Variants in TADA2A observed in about 807,000 individuals in gnomAD.
TADA2A encodes the protein transcriptional adaptor 2A, also known as transcriptional adapter 2-alpha.
TADA2A carries 38 observed loss-of-function variants against 67.4 expected under a neutral mutation model. The observed-to-expected ratio is 0.56, with a 90% CI of 0.44 to 0.74. The LOEUF is 0.74. TADA2A is among the 30% of genes least tolerant of loss of function. The probability of loss-of-function intolerance (pLI) is 0.00; values close to 1 mark genes in which losing one functional copy is unlikely to be tolerated. For missense variants in TADA2A, 454 were observed against 547.0 expected (o/e 0.83, Z 1.70); for synonymous variants, 192 against 181.6 (o/e 1.06, Z -0.46).
chr17:37,411,376 T>TTA lies in TADA2A; in HGVS notation c.11_12insTA (p.Leu4PhefsTer61). On this transcript the variant is annotated frameshift_variant, in exon 2 of 16. Coordinates refer to ENST00000615182, the MANE Select transcript of TADA2A (RefSeq NM_001166105.3). LOFTEE classifies it high-confidence loss of function. ...GTTGCCAATTAGGGAATGGACCGTT[T>TTA]GGGTTCCTTTAGCAGTAAGTACAGT... 1 of 1,613,914 alleles carries TTA rather than the reference T, an allele frequency of 6.2e-7. No individual in the cohort carries two copies. Among genetic ancestry groups the TTA allele is most frequent in the Non-Finnish European group, 8.5e-7 (1 of 1,179,826 alleles).
At position 37,467,488 on chromosome 17, in the gene TADA2A, C is replaced by G; in HGVS notation, c.858C>G (p.Leu286=). 2 of 1,613,956 alleles carry G rather than the reference C, an allele frequency of 1.2e-6. No individual in the cohort carries two copies. Among genetic ancestry groups the G allele is most frequent in the South Asian group, 2.2e-5 (2 of 91,070 alleles). Residue 286 remains leucine, a synonymous_variant, in exon 12 of 16, where the codon CTC becomes CTG. Transcript: ENST00000615182. Reference sequence around the variant, plus strand: ...AACTCCGAAGGGAAATCAAGAGGCTCCAAGAATACAGGACAGCAGGCATTA... The same window carrying G: ...AACTCCGAAGGGAAATCAAGAGGCTGCAAGAATACAGGACAGCAGGCATTA... ...EFELRREIKR[L]QEYRTAGITN...
chr17:37,431,601 GTCTTGC>G lies in TADA2A; in HGVS notation c.192+4593_192+4598del, dbSNP rs200778538. On this transcript the variant is annotated intron_variant, in intron 4 of 15. Transcript: ENST00000615182. The stretch of plus-strand genomic sequence containing the variant: ...TTCTTTTTTTTTTTTTTGAGACAGA[GTCTTGC>G]CCTGTCGCCCAGGCTGGAGTCCAGT... Among the ~76,000 whole-genome samples, 247 of 145,520 alleles carry G rather than the reference GTCTTGC, an allele frequency of 1.7e-3. 11 individuals carry two copies. In the East Asian group the frequency reaches 0.05, roughly 29 times the overall value.
intron 8 of TADA2A, among the ~76,000 whole-genome samples, chr17:37,449,107 G>A (rs952348581): frequency 6.6e-6 from 1 of 151,682 alleles, no homozygotes; most frequent in Non-Finnish European, 1.5e-5. Flanking sequence ...TGCAAGCTCC[G>A]CCTCCTGGGT....
At chr17:37,454,019 C>T (rs1352082467) in intron 8 of TADA2A, among the ~76,000 whole-genome samples, 1 of 151,786 alleles carries the variant, frequency 6.6e-6, no homozygotes, top group Non-Finnish European at 1.5e-5. Flanking sequence ...GGTGATCCAC[C>T]CACCTCGGCC....
intron 7 of TADA2A, among the ~76,000 whole-genome samples, 161 bp from the exon 8 acceptor site, chr17:37,444,535 C>G (rs750834486): frequency 1.3e-5 from 2 of 152,156 alleles, no homozygotes; most frequent in Non-Finnish European, 2.9e-5. Context: ...CCCATGACTT[C>G]CTATTACCTG....
Position 37,438,065 on chromosome 17 carries a change from A to G in TADA2A, c.284+236A>G, listed in dbSNP as rs80168521. ...GAGCAGCTTTAAAAGGCCACTTTGG[A>G]TGTATCAACAGTGGGAAGATTGATT... On this transcript the variant is annotated intron_variant, in intron 5 of 15. Coordinates refer to ENST00000615182, the MANE Select transcript of TADA2A (RefSeq NM_001166105.3). The G allele has an allele frequency of 2.8e-3, 1,275 of 450,374 alleles. 5 individuals are homozygous for G. Among genetic ancestry groups the G allele is most frequent in the African/African-American group, 0.018 (927 of 50,444 alleles). 27.9% of individuals were successfully genotyped at this position (450,374 alleles called of 1,614,324 possible). A position where few individuals can be genotyped will look rare whatever the true frequency, so the allele number is the denominator to read the frequency against.
chr17:37,428,401 T>A (rs1387827289), intron 4 of TADA2A, among the ~76,000 whole-genome samples: 1 of 152,200 alleles, frequency 6.6e-6, no homozygotes, highest in Non-Finnish European at 1.5e-5. Flanking sequence ...ACTGTTTTGA[T>A]CAGGGCATGT....
chr17:37,425,175 C>T (rs749825824), intron 3 of TADA2A, among the ~76,000 whole-genome samples: 28 of 152,122 alleles, frequency 1.8e-4, no homozygotes, highest in African/African-American at 6.5e-4. Context: ...CTACCACGCC[C>T]GGCCATAACA....
chr17:37,411,473 G>A lies in TADA2A; in HGVS notation c.25+83G>A, dbSNP rs145424024. The A allele has an allele frequency of 1.7e-3, 2,327 of 1,334,654 alleles. 36 individuals carry two copies. The African/African-American group carries it at 0.031, about 18-fold the overall frequency. 82.7% of individuals were successfully genotyped at this position (1,334,654 alleles called of 1,614,324 possible). A position where few individuals can be genotyped will look rare whatever the true frequency, so the allele number is the denominator to read the frequency against. On this transcript the variant is annotated intron_variant, in intron 2 of 15. Coordinates refer to ENST00000615182, the MANE Select transcript of TADA2A (RefSeq NM_001166105.3). ...ACTCTCCCTCTGTTGCCCAGGCTGG[G>A]GTACAGTGGCATGATGTTGGCTCAC... is the stretch of plus-strand genomic sequence containing the variant.
chr17:37,430,336 A>G (rs1282219310), intron 4 of TADA2A, among the ~76,000 whole-genome samples: 1 of 152,090 alleles, frequency 6.6e-6, no homozygotes, highest in Non-Finnish European at 1.5e-5. Context: ...TTCCCAGTGA[A>G]TCTTTCCTTC....
intron 1 of TADA2A, chr17:37,407,462 T>C (rs1435435871): frequency 6.6e-6 from 1 of 152,306 alleles, no homozygotes; most frequent in Admixed American, 6.5e-5. Flanking sequence ...CAACGTGGAC[T>C]CCTGCCCGGC....
intron 4 of TADA2A, among the ~76,000 whole-genome samples, chr17:37,432,438 A>G (rs971015850): frequency 1.3e-5 from 2 of 152,184 alleles, no homozygotes; most frequent in African/African-American, 4.8e-5. Context: ...GAGTGCTGGG[A>G]TTACAGGTGT....
intron 8 of TADA2A, chr17:37,454,151 G>C (rs2148004470): frequency 6.6e-6 from 1 of 152,424 alleles, no homozygotes; most frequent in South Asian, 2.0e-4. Context: ...CTAACATTGA[G>C]CCTCTGGAGC....
intron 8 of TADA2A, among the ~76,000 whole-genome samples, chr17:37,451,953 C>T (rs1260953092): frequency 3.9e-5 from 6 of 152,016 alleles, no homozygotes; most frequent in African/African-American, 1.5e-4. Context: ...TGTTGCACTC[C>T]AGCCTGGGCG....
chr17:37,431,189 T>A (rs1162900956), intron 4 of TADA2A, among the ~76,000 whole-genome samples: 2 of 152,180 alleles, frequency 1.3e-5, no homozygotes, highest in East Asian at 3.9e-4. Context: ...AGAATGATGT[T>A]TGGTTATCTA....
chr17:37,476,722 T>G (rs1885950976), intron 15 of TADA2A, 75 bp from the exon 16 acceptor site: 1 of 1,525,410 alleles, frequency 6.6e-7, no homozygotes, highest in African/African-American at 1.4e-5. Context: ...TTTAAAAAAT[T>G]TTTTGCTATA....
Position 37,476,850 on chromosome 17 carries a change from T to A in TADA2A, c.1200T>A (p.Ala400=). The A allele has an allele frequency of 6.2e-7, 1 of 1,614,150 alleles. No individual in the cohort carries two copies. Among genetic ancestry groups the A allele is most frequent in the Non-Finnish European group, 8.5e-7 (1 of 1,179,996 alleles). The change falls in exon 16 of 16, where the codon GCT becomes GCA. Residue 400 remains alanine (A), a synonymous_variant. Transcript: ENST00000615182. ...GAGCCTATTTAGAATACAAATCTGC[T>A]CTATTGAACGAATGTAACAAGCAAG... The part of the protein sequence containing the change: ...VPGAYLEYKS[A]LLNECNKQGG...
intron 3 of TADA2A, among the ~76,000 whole-genome samples, chr17:37,425,607 T>C (rs971673228): frequency 6.6e-6 from 1 of 152,070 alleles, no homozygotes. Flanking sequence ...CTGATGAAAG[T>C]TGTGATGTAC....
chr17:37,461,778 C>T (rs1026328682), intron 9 of TADA2A: 13 of 247,750 alleles, frequency 5.2e-5, no homozygotes, highest in Non-Finnish European at 8.4e-5. Context: ...TCGGTTTCAT[C>T]TTAAGTGACA....
Sources: gnomAD v4.1 joint callset for allele counts (sites outside exome capture counted in the v4.1 genomes callset) on GRCh38, gnomAD v4.1.1 for gene constraint, MANE v1.5 for transcripts, NCBI Gene and HGNC (gene_info 2026-07-23, HGNC 2026-07-21) for gene names.